The following TBC1D22A variants were observed in gnomAD, a reference collection of about 807,000 sequenced individuals.
TBC1D22A encodes the protein TBC1 domain family member 22A, also known as putative GTPase activator.
Under a neutral mutation model 60.2 loss-of-function variants are expected in TBC1D22A, and 38 were observed. The observed-to-expected ratio is 0.63, with a 90% confidence interval of 0.49 to 0.83. The LOEUF (loss-of-function observed/expected upper bound fraction) is 0.83. Ranked by LOEUF, TBC1D22A falls within the 40% of genes least tolerant of loss-of-function variation. The probability of loss-of-function intolerance (pLI) is 0.00; values close to 1 mark genes in which losing one functional copy is unlikely to be tolerated. For missense variants in TBC1D22A, 628 were observed against 701.0 expected, an observed-to-expected ratio of 0.90 and a Z score of 1.18; for synonymous variants, 302 against 281.7, an observed-to-expected ratio of 1.07 and a Z score of -0.72.
intron 9 of TBC1D22A, among the ~76,000 whole-genome samples, chr22:46,996,718 A>G (rs546194202): frequency 6.6e-6 from 1 of 152,164 alleles, no homozygotes; most frequent in Non-Finnish European, 1.5e-5. Flanking sequence ...TCCATAGGGA[A>G]TGCCCTTCCC....
chr22:46,769,667 T>G, intron 1 of TBC1D22A, among the ~76,000 whole-genome samples: 1 of 152,118 alleles, frequency 6.6e-6, no homozygotes, highest in East Asian at 1.9e-4. Flanking sequence ...GAGCAGGCAC[T>G]GGAGCTGCTT....
intron 4 of TBC1D22A, among the ~76,000 whole-genome samples, chr22:46,820,981 G>A (rs1297717483): frequency 6.6e-6 from 1 of 150,704 alleles, no homozygotes; most frequent in East Asian, 1.9e-4. Flanking sequence ...ATTATGTAAT[G>A]CCCTTCTTTG....
chr22:46,981,288 C>G (rs2074503001), intron 9 of TBC1D22A, among the ~76,000 whole-genome samples: 1 of 152,164 alleles, frequency 6.6e-6, no homozygotes, highest in Non-Finnish European at 1.5e-5. Flanking sequence ...GTCCTGAGTG[C>G]TTCGTTGTAA....
chr22:47,149,618 C>G (rs982749635), intron 12 of TBC1D22A, among the ~76,000 whole-genome samples: 1 of 152,214 alleles, frequency 6.6e-6, no homozygotes, highest in Admixed American at 6.5e-5. Flanking sequence ...AGCCCTGCCC[C>G]GGGAGCTCAC....
At chr22:46,888,177 C>T (rs2068214618) in intron 5 of TBC1D22A, among the ~76,000 whole-genome samples, 1 of 152,224 alleles carries the variant, frequency 6.6e-6, no homozygotes, top group Non-Finnish European at 1.5e-5. Flanking sequence ...CTTGGGCCAC[C>T]TCTCCACCTC....
At chr22:46,980,618 C>G (rs575962447) in intron 9 of TBC1D22A, among the ~76,000 whole-genome samples, 1 of 150,840 alleles carries the variant, frequency 6.6e-6, no homozygotes, top group Non-Finnish European at 1.5e-5. Context: ...AAATTACCAA[C>G]TGGGCAACAC....
intron 1 of TBC1D22A, among the ~76,000 whole-genome samples, chr22:46,764,847 A>T (rs1385714702): frequency 1.3e-5 from 2 of 152,326 alleles, no homozygotes; most frequent in East Asian, 3.9e-4. Context: ...ATGCTCACCT[A>T]GAGACTTGAC....
At chr22:47,085,494 A>G (rs1263357581) in intron 11 of TBC1D22A, among the ~76,000 whole-genome samples, 2 of 152,154 alleles carry the variant, frequency 1.3e-5, no homozygotes, top group South Asian at 2.1e-4. Context: ...ATTATTAGGC[A>G]TGGAAGGATT....
chr22:46,829,375 C>T (rs2086209960), intron 4 of TBC1D22A, among the ~76,000 whole-genome samples: 1 of 151,812 alleles, frequency 6.6e-6, no homozygotes, highest in Non-Finnish European at 1.5e-5. Context: ...GAACTCACCC[C>T]CTTCATGGCC....
intron 7 of TBC1D22A, among the ~76,000 whole-genome samples, chr22:46,907,201 C>G (rs1190593490): frequency 6.6e-6 from 1 of 152,180 alleles, no homozygotes; most frequent in Admixed American, 6.6e-5. Flanking sequence ...TAGAAGGCTC[C>G]TCTCCTCCTC....
intron 4 of TBC1D22A, among the ~76,000 whole-genome samples, chr22:46,849,113 C>G (rs111807074): frequency 1.3e-5 from 2 of 152,198 alleles, no homozygotes; most frequent in African/African-American, 2.4e-5. Context: ...GTGTGACGCT[C>G]TAGGCAGAGG....
At chr22:46,818,842 C>T (rs994138075) in intron 4 of TBC1D22A, among the ~76,000 whole-genome samples, 4 of 152,114 alleles carry the variant, frequency 2.6e-5, no homozygotes, top group Non-Finnish European at 5.9e-5. Flanking sequence ...GCCATTTTTA[C>T]GATGTTGATT....
At chr22:46,973,737 G>T (rs1035650398) in intron 8 of TBC1D22A, among the ~76,000 whole-genome samples, 4 of 152,232 alleles carry the variant, frequency 2.6e-5, no homozygotes, top group Admixed American at 6.5e-5. Context: ...TTCTCATTCG[G>T]TTTTTTGTAC....
chr22:47,056,822 CT>C (rs1289337619), intron 11 of TBC1D22A, among the ~76,000 whole-genome samples: 1 of 152,140 alleles, frequency 6.6e-6, no homozygotes, highest in Non-Finnish European at 1.5e-5. Context: ...GGGTGGTGGT[CT>C]TCAGAGTGGG....
intron 11 of TBC1D22A, among the ~76,000 whole-genome samples, chr22:47,105,935 A>G (rs1255373691): frequency 6.6e-6 from 1 of 152,266 alleles, no homozygotes; most frequent in Non-Finnish European, 1.5e-5. Flanking sequence ...GCGACATGCT[A>G]TAAAAATAAG....
intron 9 of TBC1D22A, among the ~76,000 whole-genome samples, chr22:46,995,824 G>A (rs939421042): frequency 1.3e-5 from 2 of 151,956 alleles, no homozygotes; most frequent in African/African-American, 4.8e-5. Context: ...TGACCACCTC[G>A]AGGAACCTCT....
intron 11 of TBC1D22A, among the ~76,000 whole-genome samples, chr22:47,073,728 A>G (rs1262117446): frequency 6.6e-6 from 1 of 152,160 alleles, no homozygotes; most frequent in Non-Finnish European, 1.5e-5. Flanking sequence ...CTCATTTTCT[A>G]CAGAAGTCTG....
chr22:46,998,504 A>C (rs941181710), intron 10 of TBC1D22A, among the ~76,000 whole-genome samples: 1 of 152,240 alleles, frequency 6.6e-6, no homozygotes. Flanking sequence ...GACAAATTGC[A>C]CTTTGTTGGA....
chr22:46,828,031 C>T (rs751416379), intron 4 of TBC1D22A, among the ~76,000 whole-genome samples: 12 of 152,148 alleles, frequency 7.9e-5, no homozygotes, highest in Non-Finnish European at 1.3e-4. Context: ...GCAGATTATT[C>T]CCAGGACTTT....
Sources: gnomAD v4.1 joint callset for allele counts (sites outside exome capture counted in the v4.1 genomes callset) on GRCh38, gnomAD v4.1.1 for gene constraint, MANE v1.5 for transcripts, NCBI Gene and HGNC (gene_info 2026-07-23, HGNC 2026-07-21) for gene names.